The following CD63 variants were observed in gnomAD, a reference collection of about 807,000 sequenced individuals.
The protein encoded by CD63 is CD63 antigen.
A neutral mutation model predicts 29.2 loss-of-function variants in CD63; 16 were observed. The ratio of observed to expected loss-of-function variants is 0.55; its 90% CI spans 0.37 to 0.83. The LOEUF is 0.83. CD63 is among the 40% of genes least tolerant of loss of function. The pLI is 0.00. For synonymous variants in CD63, 118 were observed against 111.7 expected (o/e 1.06, Z -0.36); for missense variants, 251 against 297.3 (o/e 0.84, Z 1.15).
chr12:55,724,581 C>A, downstream of CD63: 1 of 1,584,662 alleles, frequency 6.3e-7, no homozygotes, highest in Non-Finnish European at 8.6e-7. Context: ...TTTTCAAGGA[C>A]AAGGACTTTG....
Position 55,727,186 on chromosome 12 carries a change from C to T in CD63, c.220G>A (p.Gly74Arg), listed in dbSNP as rs1486036405. The T allele has an allele frequency of 1.2e-6, 2 of 1,613,624 alleles. No individual in the cohort carries two copies. The highest frequency in any genetic ancestry group is 1.7e-6 in the Non-Finnish European group (2 of 1,179,990). The change falls in exon 3 of 8, where the codon GGG becomes AGG. Residue 74 changes from glycine (G) to arginine (R), a missense_variant. Transcript: ENST00000257857. ...AGACAATAGTTCTCCTTGCAGGCCC[C>T]GCAGCAGCCCACAAAAGCCACCAGG... ...LFLVAFVGCC[G>R]ACKENYCLMI...
Position 55,728,726 on chromosome 12 carries a change from C to T in CD63, c.-12+227G>A, listed in dbSNP as rs1267528481. 2 of 1,042,546 alleles carry T rather than the reference C, an allele frequency of 1.9e-6. No individual in the cohort carries two copies. Among genetic ancestry groups the T allele is most frequent in the Non-Finnish European group, 1.2e-6 (1 of 864,540 alleles). 64.6% of individuals were successfully genotyped at this position (1,042,546 alleles called of 1,614,324 possible). A position where few individuals can be genotyped will look rare whatever the true frequency, so the allele number is the denominator to read the frequency against. ...CCCAACCCCGACCCCCGCCCCAGCC[C>T]CTTTCCCCTGGGCTCTGACCTCCCC... On this transcript the variant is annotated intron_variant, in intron 1 of 7. Coordinates refer to ENST00000257857, the MANE Select transcript of CD63 (RefSeq NM_001780.6). The surrounding 1 kb of genome is among the most constrained non-coding windows in gnomAD (Gnocchi z 4.8).
At chr12:55,724,202 G>A, downstream of CD63, 1 of 1,444,138 alleles carries the variant, frequency 6.9e-7, no homozygotes, top group Non-Finnish European at 9.6e-7. Flanking sequence ...TGTGGAACCT[G>A]CCCACTCCCC....
chr12:55,727,262 G>C lies in CD63; in HGVS notation c.144C>G (p.Thr48=), dbSNP rs548153645. The stretch of plus-strand genomic sequence containing the variant: ...TGACCACTGGCAACAGAGAGCCAGG[G>C]GTAGCCCCCTGGATTATGGTCTGAC... ...VLSQTIIQGA[T]PGSLLPVVII... is the part of the protein sequence containing the mutation. Residue 48 remains threonine, a synonymous_variant, in exon 3 of 8, where the codon ACC becomes ACG. Coordinates refer to ENST00000257857, the MANE Select transcript of CD63 (RefSeq NM_001780.6). The C allele has an allele frequency of 6.2e-7, 1 of 1,613,872 alleles. No individual in the cohort carries two copies. The highest frequency in any genetic ancestry group is 1.3e-5 in the African/African-American group (1 of 75,040).
chr12:55,727,033 G>T, intron 3 of CD63, 69 bp from the exon 4 acceptor site: 3 of 1,573,578 alleles, frequency 1.9e-6, no homozygotes, highest in Admixed American at 3.3e-5. Flanking sequence ...TGGCACAGCC[G>T]GTCCCTGGAC....
At chr12:55,725,174 G>C (rs565890432), downstream of CD63, 1 of 297,536 alleles carries the variant, frequency 3.4e-6, no homozygotes. Flanking sequence ...ATGGGGGCTG[G>C]GCTCTCGCAG....
At chr12:55,725,763 T>A (rs767741057) in intron 7 of CD63, 50 bp downstream of exon 7, 1 of 1,588,478 alleles carries the variant, frequency 6.3e-7, no homozygotes, top group Non-Finnish European at 8.6e-7. Context: ...GCCCCTTCCC[T>A]CCAGGCACCC....
At chr12:55,727,389 C>T (rs1877525830) in intron 2 of CD63, 50 bp from the exon 3 acceptor site, 1 of 1,536,754 alleles carries the variant, frequency 6.5e-7, no homozygotes, top group African/African-American at 1.4e-5. Context: ...CACAGTGGCC[C>T]TCCATGGTGG....
chr12:55,724,114 A>C, downstream of CD63: 1 of 1,567,194 alleles, frequency 6.4e-7, no homozygotes, highest in East Asian at 2.3e-5. Flanking sequence ...CCAGTCCTGC[A>C]TAAGCCTGCT....
Position 55,725,577 on chromosome 12 carries a change from C to T in CD63, c.701G>A (p.Gly234Asp), listed in dbSNP as rs1467414638. The change falls in exon 8 of 8, where the codon GGC becomes GAC. Residue 234 changes from glycine to aspartate, a missense_variant. Gly to Asp is a moderately conservative substitution (Grantham distance 94, BLOSUM62 -1). Coordinates refer to ENST00000257857, the MANE Select transcript of CD63 (RefSeq NM_001780.6). ...ACCLVKSIRS[G>D]YEVM is the part of the protein sequence containing the mutation. ...ACCAGACCCCTACATCACCTCGTAG[C>T]CACTTCTGATACTCTTCACGAGGCA... The T allele has an allele frequency of 6.2e-7, 1 of 1,614,036 alleles. No homozygotes were observed. The highest frequency in any genetic ancestry group is 8.5e-7 in the Non-Finnish European group (1 of 1,179,944).
chr12:55,725,533 A>G lies in CD63; in HGVS notation c.*28T>C, dbSNP rs200326274. 29 of 1,572,466 alleles carry G rather than the reference A, an allele frequency of 1.8e-5. No homozygotes were observed. The African/African-American group carries it at 3.6e-4, about 20-fold the overall frequency. On this transcript the variant is annotated 3_prime_UTR_variant, in exon 8 of 8. Coordinates refer to ENST00000257857, the MANE Select transcript of CD63 (RefSeq NM_001780.6). Reference sequence around the variant, plus strand: ...CTGGAGGATACTATTCCACTCCCCCAGATGAGGAGGCTGAGGAGACCAGAC... The same window carrying G: ...CTGGAGGATACTATTCCACTCCCCCGGATGAGGAGGCTGAGGAGACCAGAC...
intron 2 of CD63, chr12:55,727,645 C>CTACA: frequency 8.8e-7 from 1 of 1,131,252 alleles, no homozygotes; most frequent in South Asian, 3.1e-5. Flanking sequence ...CTCCAGGGCT[C>CTACA]CCAGCTCAAT....
At chr12:55,727,627 C>T in intron 2 of CD63, 3 of 1,168,924 alleles carry the variant, frequency 2.6e-6, no homozygotes, top group South Asian at 5.8e-5. Context: ...ATAATGCTTT[C>T]TACAGGCCTC....
At chr12:55,726,334 C>CTTTTT (rs777731653) in intron 5 of CD63, 73 bp from the exon 6 acceptor site, 76 of 288,000 alleles carry the variant, frequency 2.6e-4, no homozygotes, top group African/African-American at 6.2e-4. Flanking sequence ...GATGAGAATT[C>CTTTTT]TTTTTTTTTT....
At chr12:55,724,085 G>C (rs1358340829), downstream of CD63, 2 of 1,597,218 alleles carry the variant, frequency 1.3e-6, no homozygotes, top group Non-Finnish European at 1.7e-6. Context: ...CACATGAAGG[G>C]AAACAAGTAC....
intron 2 of CD63, chr12:55,727,681 A>G (rs1056873885): frequency 4.2e-5 from 45 of 1,079,546 alleles, no homozygotes; most frequent in Non-Finnish European, 4.9e-5. Flanking sequence ...CCCCCTCACT[A>G]TCCTCCAGTG....
Position 55,728,045 on chromosome 12 carries a change from G to C in CD63, c.66+231C>G. ...TGGGTCACCAGACAGGAAGGGCCAG[G>C]AGGGATGGGGGTAGGGGTTGCTGCA... On this transcript the variant is annotated intron_variant, in intron 2 of 7. Transcript: ENST00000257857. This position sits in a 1 kb window ranked among gnomAD's most constrained non-coding sequence, Gnocchi z 4.8. The C allele has an allele frequency of 1.2e-6, 1 of 826,012 alleles. No individual in the cohort carries two copies. The allele number at this position is 826,012 out of a possible 1,614,324, so 51.2% of individuals were successfully genotyped here.
In CD63 at chr12:55,726,696, T is replaced by G; in HGVS notation, c.426+4A>C. Reference sequence around the variant, plus strand: ...CCACCCCTGCTCCCAGCAACCCCACTCACATCTGCCTGCATCCTGTCCAGG... The same window carrying G: ...CCACCCCTGCTCCCAGCAACCCCACGCACATCTGCCTGCATCCTGTCCAGG... On this transcript the variant is annotated splice_donor_region_variant and intron_variant, in intron 5 of 7. Coordinates refer to ENST00000257857, the MANE Select transcript of CD63 (RefSeq NM_001780.6). 6.2e-7 allele frequency: 1 copy of G among 1,611,504 alleles called. No homozygotes were observed. Among genetic ancestry groups the G allele is most frequent in the Non-Finnish European group, 8.5e-7 (1 of 1,177,848 alleles).
At chr12:55,729,169 C>G (rs1355823011), upstream of CD63, 2 of 981,574 alleles carry the variant, frequency 2.0e-6, no homozygotes, top group African/African-American at 3.5e-5. Context: ...GCCGAGCCCC[C>G]CGCCCGGCCA....
Sources: allele counts gnomAD v4.1 joint callset, GRCh38; gene constraint gnomAD v4.1.1; non-coding constraint Gnocchi (gnomAD v3.1); transcripts MANE v1.5; gene names NCBI Gene and HGNC (gene_info 2026-07-23, HGNC 2026-07-21).